POLR1A: variants seen among roughly 807,000 people sequenced by gnomAD.
The protein encoded by POLR1A is DNA-directed RNA polymerase I subunit RPA1.
POLR1A carries 84 observed loss-of-function variants against 205.3 expected under a neutral mutation model. The observed-to-expected ratio is 0.41, with a 90% CI of 0.34 to 0.49. The LOEUF is 0.49. POLR1A is among the 20% of genes least tolerant of loss of function. The pLI is 0.22. For synonymous variants in POLR1A, 799 were observed against 863.7 expected, an observed-to-expected ratio of 0.93 and a Z score of 1.31; for missense variants, 1,645 against 2,204.5, an observed-to-expected ratio of 0.75 and a Z score of 5.08.
chr2:86,078,800 G>T (rs1673343902), intron 9 of POLR1A, among the ~76,000 whole-genome samples: 1 of 152,194 alleles, frequency 6.6e-6, no homozygotes, highest in Admixed American at 6.5e-5. Flanking sequence ...TAAGATGTGG[G>T]TCTCCAGCTG....
chr2:86,038,793 A>C lies in POLR1A; in HGVS notation c.3941T>G (p.Val1314Gly). The C allele has an allele frequency of 2.5e-6, 4 of 1,613,982 alleles. No homozygotes were observed. Among genetic ancestry groups the C allele is most frequent in the Non-Finnish European group, 3.4e-6 (4 of 1,179,892 alleles). ...CMEEKQNKFQ[V>G]YQLRFQFLPH... ...CAGGAACTGAAACCGCAGCTGGTACACCTGGAATTTGTTCTGTTTTTCTTC... is the reference window on the plus strand; with the variant it reads ...CAGGAACTGAAACCGCAGCTGGTACCCCTGGAATTTGTTCTGTTTTTCTTC... Residue 1314 changes from valine to glycine, a missense_variant, in exon 27 of 34, where the codon GTG (valine) becomes GGG (glycine). Val to Gly is a moderately radical substitution (Grantham distance 109). Around this residue, in one of 16 missense-constraint regions of POLR1A, gnomAD observed 394 missense variants for 468.5 expected, o/e 0.84. Coordinates refer to ENST00000263857, the MANE Select transcript of POLR1A (RefSeq NM_015425.6).
At chr2:86,057,646 C>T (rs1672919497) in intron 14 of POLR1A, among the ~76,000 whole-genome samples, 2 of 152,072 alleles carry the variant, frequency 1.3e-5, no homozygotes, top group Admixed American at 1.3e-4. Context: ...AGTACTATTA[C>T]ATACTAAAAA....
intron 22 of POLR1A, 41 bp from the exon 23 acceptor site, chr2:86,043,236 C>T: frequency 6.6e-7 from 1 of 1,519,028 alleles, no homozygotes; most frequent in East Asian, 2.3e-5. Context: ...AAATCACACA[C>T]ATGAGATCAA....
intron 23 of POLR1A, among the ~76,000 whole-genome samples, chr2:86,042,615 G>A (rs57906735): frequency 0.012 from 1,884 of 152,310 alleles, 49 homozygotes; most frequent in African/African-American, 0.043. Flanking sequence ...CAGGAGGAAG[G>A]GGATCCTGGT....
rs148686953 is a variant in POLR1A, at chr2:86,056,170, G to A, written c.2059-1881C>T. 2.6e-3 allele frequency among the ~76,000 whole-genome samples: 393 copies of A among 152,036 alleles called. 4 individuals are homozygous for A. The highest frequency in any genetic ancestry group is 9.1e-3 in the African/African-American group (376 of 41,482). The stretch of plus-strand genomic sequence containing the variant: ...GAAAATGAAATTAAGAAAAAGTTCC[G>A]GCCAGGTGTGGTGGCTCACACCTGT... On this transcript the variant is annotated intron_variant, in intron 14 of 33. Coordinates refer to ENST00000263857, the MANE Select transcript of POLR1A (RefSeq NM_015425.6).
At chr2:86,064,959 G>A (rs1382422144) in intron 14 of POLR1A, among the ~76,000 whole-genome samples, 4 of 152,026 alleles carry the variant, frequency 2.6e-5, no homozygotes, top group African/African-American at 9.7e-5. Flanking sequence ...ACTTTTAGTA[G>A]AGATAGGGTT....
At chr2:86,030,790 G>T (rs140571680) in intron 30 of POLR1A, among the ~76,000 whole-genome samples, 1 of 152,188 alleles carries the variant, frequency 6.6e-6, no homozygotes, top group Non-Finnish European at 1.5e-5. Context: ...GAAAGACAAA[G>T]CGTAAGTGTG....
intron 22 of POLR1A, 64 bp from the exon 23 acceptor site, chr2:86,043,259 G>T (rs933537394): frequency 7.4e-7 from 1 of 1,353,532 alleles, no homozygotes; most frequent in Non-Finnish European, 1.1e-6. Context: ...AGATGAGGGC[G>T]TGACAAGAGG....
In POLR1A at chr2:86,041,465, T is replaced by C. The variant is rs529944937; in HGVS notation, c.3572+424A>G. Among the ~76,000 whole-genome samples the C allele has an allele frequency of 2.0e-5, 3 of 152,022 alleles. No homozygotes were observed. The South Asian group carries it at 6.2e-4, about 32-fold the overall frequency. On this transcript the variant is annotated intron_variant, in intron 24 of 33. Coordinates refer to ENST00000263857, the MANE Select transcript of POLR1A (RefSeq NM_015425.6). Reference sequence around the variant, plus strand: ...AAATGGGAACCCAAAGCTCAAAGGATTACTGGAGTAATCGGATCCAAGGCC... The same window carrying C: ...AAATGGGAACCCAAAGCTCAAAGGACTACTGGAGTAATCGGATCCAAGGCC...
intron 29 of POLR1A, 22 bp from the exon 30 acceptor site, chr2:86,031,657 G>C: frequency 6.3e-7 from 1 of 1,594,584 alleles, no homozygotes; most frequent in South Asian, 1.2e-5. Flanking sequence ...GGGAGCACAG[G>C]CTGTGTCACT....
At position 86,080,871 on chromosome 2, in the gene POLR1A, A is replaced by G. The variant is rs199847119; in HGVS notation, c.1031T>C (p.Leu344Ser). Residue 344 changes from leucine to serine, a missense_variant, in exon 9 of 34, where the codon TTG becomes TCG. Leu to Ser is a moderately radical substitution (Grantham distance 145). Coordinates refer to ENST00000263857, the MANE Select transcript of POLR1A (RefSeq NM_015425.6). ...TGGCAACTTCTGTTCTTGGGCCATC[A>G]ATGCCAGAAGTTTTCGAATCAGAAC... ...DVVLIRKLLALMAQEQKLPEE... is the reference protein window; with the variant it reads ...DVVLIRKLLASMAQEQKLPEE... 359 of 1,614,022 alleles carry G rather than the reference A, an allele frequency of 2.2e-4. No individual in the cohort carries two copies. Among genetic ancestry groups the G allele is most frequent in the Non-Finnish European group, 2.9e-4 (347 of 1,180,002 alleles).
rs1219645623 is a variant in POLR1A at position 86,088,962 on chromosome 2, AC to A, written c.541-93del. On this transcript the variant is annotated intron_variant, in intron 4 of 33. Coordinates refer to ENST00000263857, the MANE Select transcript of POLR1A (RefSeq NM_015425.6). Reference sequence around the variant, plus strand: ...TTATGGTTTTCACCTTTTATTTTTAACCAGCGGAAACACCCCCACCACCACT... The same window carrying A: ...TTATGGTTTTCACCTTTTATTTTTAACAGCGGAAACACCCCCACCACCACT... 4 of 856,284 alleles carry A rather than the reference AC, an allele frequency of 4.7e-6. No homozygotes were observed. The African/African-American group carries it at 6.8e-5, about 15-fold the overall frequency. The allele number at this position is 856,284 out of a possible 1,614,324, so 53.0% of individuals were successfully genotyped here.
At chr2:86,104,124 A>G (rs1241266762) in intron 1 of POLR1A, among the ~76,000 whole-genome samples, 1 of 152,228 alleles carries the variant, frequency 6.6e-6, no homozygotes, top group African/African-American at 2.4e-5. Context: ...TAAGGGTGAC[A>G]GTAGCATGAC....
At chr2:86,100,294 C>A in intron 1 of POLR1A, 122 bp from the exon 2 acceptor site, 1 of 729,314 alleles carries the variant, frequency 1.4e-6, no homozygotes. Flanking sequence ...CTGGAGGGCA[C>A]AATCTGTCTT....
Position 86,075,193 on chromosome 2 carries a change from G to A in POLR1A, c.1448C>T (p.Ala483Val), listed in dbSNP as rs775273706. 10 of 1,612,828 alleles carry A rather than the reference G, an allele frequency of 6.2e-6. No homozygotes were observed. The highest frequency in any genetic ancestry group is 3.3e-5 in the Admixed American group (2 of 59,894). The change falls in exon 12 of 34, where the codon GCG becomes GTG. Residue 483 changes from alanine (A) to valine (V), a missense_variant. Around this residue, in one of 16 missense-constraint regions of POLR1A, gnomAD observed 131 missense variants for 214.5 expected, o/e 0.61. Coordinates refer to ENST00000263857, the MANE Select transcript of POLR1A (RefSeq NM_015425.6). ...TPWNVQELRQ[A>V]VINGPNVHPG... ...GTGCACATTAGGGCCGTTGATGACC[G>A]CTTGCCTAAGTTCCTGAACATTCCA...
chr2:86,099,324 T>C (rs2104437074), intron 2 of POLR1A, among the ~76,000 whole-genome samples: 1 of 148,740 alleles, frequency 6.7e-6, no homozygotes, highest in African/African-American at 2.5e-5. Flanking sequence ...GCCACTGCAC[T>C]CCAGCCTGGG....
rs1672383820 is a variant in POLR1A at position 86,031,374 on chromosome 2, T to A, written c.4534A>T (p.Ile1512Leu). 6.2e-7 allele frequency: 1 copy of A among 1,600,860 alleles called. No individual in the cohort carries two copies. The highest frequency in any genetic ancestry group is 8.5e-7 in the Non-Finnish European group (1 of 1,171,988). Residue 1512 changes from isoleucine to leucine, a missense_variant, in exon 30 of 34, where the codon ATA becomes TTA. By Grantham distance (5) the Ile-to-Leu change is conservative. This residue lies in a region of POLR1A where 394 missense variants were observed against 468.5 expected (regional missense o/e 0.84). Transcript: ENST00000263857. ...VQAVREIHPF[I>L]DDYQYDTEES... is the part of the protein sequence containing the mutation. ...TCGGTGTCGTACTGGTAGTCATCTA[T>A]GAACGGGTGGATCTCACGCACAGCC...
intron 14 of POLR1A, among the ~76,000 whole-genome samples, chr2:86,056,573 A>T (rs1672902621): frequency 6.6e-6 from 1 of 152,232 alleles, no homozygotes; most frequent in Non-Finnish European, 1.5e-5. Flanking sequence ...CTATTGGAAG[A>T]AGATGCCACA....
At chr2:86,035,215 C>T (rs1483608206) in intron 27 of POLR1A, among the ~76,000 whole-genome samples, 3 of 152,054 alleles carry the variant, frequency 2.0e-5, no homozygotes, top group Non-Finnish European at 4.4e-5. Flanking sequence ...GTGGTTTGCC[C>T]TTGGCAGAAA....
Sources: allele counts gnomAD v4.1 joint callset (sites outside exome capture counted in the v4.1 genomes callset), GRCh38; gene constraint gnomAD v4.1.1; regional missense constraint gnomAD v4.1.1; transcripts MANE v1.5; gene names NCBI Gene and HGNC (gene_info 2026-07-23, HGNC 2026-07-21).